The following KIF26B variants were observed in gnomAD, a reference collection of about 807,000 sequenced individuals.
The protein encoded by KIF26B is kinesin family member 26B.
A neutral mutation model predicts 151.2 loss-of-function variants in KIF26B; 63 were observed. The ratio of observed to expected loss-of-function variants is 0.42; its 90% CI spans 0.34 to 0.51. KIF26B has a LOEUF of 0.51. Ranked by LOEUF, KIF26B falls within the 20% of genes least tolerant of loss-of-function variation. KIF26B has a pLI of 0.07. For missense variants in KIF26B, 2,813 were observed against 2,913.6 expected, an observed-to-expected ratio of 0.97 and a Z score of 0.79; for synonymous variants, 1,357 against 1,262.1, an observed-to-expected ratio of 1.08 and a Z score of -1.59.
intron 2 of KIF26B, among the ~76,000 whole-genome samples, chr1:245,179,624 CAAAAA>C (rs1478349922): frequency 6.8e-6 from 1 of 146,434 alleles, no homozygotes; most frequent in Non-Finnish European, 1.5e-5. Context: ...GACTCCGACT[CAAAAA>C]CAAAACAAAA....
At chr1:245,501,053 A>G (rs963017144) in intron 4 of KIF26B, among the ~76,000 whole-genome samples, 3 of 152,234 alleles carry the variant, frequency 2.0e-5, no homozygotes, top group Admixed American at 6.5e-5. Context: ...TTTCAGATGC[A>G]TGATTTTAAA....
intron 2 of KIF26B, among the ~76,000 whole-genome samples, chr1:245,238,566 C>A (rs73127181): frequency 5.9e-5 from 9 of 151,578 alleles, no homozygotes; most frequent in African/African-American, 1.9e-4. Flanking sequence ...TTTTTTATTA[C>A]TCAGAACAAT....
At chr1:245,519,117 G>A (rs1661031834) in intron 4 of KIF26B, among the ~76,000 whole-genome samples, 1 of 152,234 alleles carries the variant, frequency 6.6e-6, no homozygotes, top group Admixed American at 6.5e-5. Flanking sequence ...GAGTTCAGAA[G>A]ATGGAAACTT....
chr1:245,606,623 C>T lies in KIF26B; in HGVS notation c.1558-1028C>T, dbSNP rs1443568944. On this transcript the variant is annotated intron_variant, in intron 6 of 14. Transcript: ENST00000407071. The surrounding 1 kb of genome is among the most constrained non-coding windows in gnomAD (Gnocchi z 4.6). ...GGAAATACAAAACATCATCGAGAGC[C>T]TGGTCCCTGTCTAGGATTTAATAAT... Among the ~76,000 whole-genome samples the T allele has an allele frequency of 6.6e-6, 1 of 152,206 alleles. No individual in the cohort carries two copies. Among genetic ancestry groups the T allele is most frequent in the Non-Finnish European group, 1.5e-5 (1 of 68,038 alleles).
intron 5 of KIF26B, among the ~76,000 whole-genome samples, chr1:245,545,959 C>T (rs2103105838): frequency 6.6e-6 from 1 of 152,222 alleles, no homozygotes; most frequent in East Asian, 1.9e-4. Flanking sequence ...TATGGCTCTG[C>T]AGCCACACCA....
chr1:245,519,173 C>T (rs915472468), intron 4 of KIF26B, among the ~76,000 whole-genome samples: 1 of 152,036 alleles, frequency 6.6e-6, no homozygotes, highest in South Asian at 2.1e-4. Flanking sequence ...AGAATATTTA[C>T]TATATTTAGT....
At chr1:245,484,059 G>A (rs12121903) in intron 4 of KIF26B, among the ~76,000 whole-genome samples, 8,854 of 151,478 alleles carry the variant, frequency 0.058, 446 homozygotes, top group Middle Eastern at 0.16. Context: ...CTTTAATGAC[G>A]CTTTGTTAGG....
intron 2 of KIF26B, among the ~76,000 whole-genome samples, chr1:245,160,345 C>G (rs1417218524): frequency 1.3e-5 from 2 of 152,152 alleles, no homozygotes; most frequent in Non-Finnish European, 2.9e-5. Context: ...TGAGAATGGC[C>G]CTTTTACCCA....
At position 245,704,667 on chromosome 1, in the gene KIF26B, C is replaced by G. The variant is rs2044817526; in HGVS notation, c.*2061C>G. 1 of 152,276 alleles carries G rather than the reference C, an allele frequency of 6.6e-6. No homozygotes were observed. The highest frequency in any genetic ancestry group is 2.1e-4 in the South Asian group (1 of 4,824). The allele number at this position is 152,276 out of a possible 1,614,324, so 9.4% of individuals were successfully genotyped here. On this transcript the variant is annotated 3_prime_UTR_variant, in exon 15 of 15. Coordinates refer to ENST00000407071, the MANE Select transcript of KIF26B (RefSeq NM_018012.4). The stretch of plus-strand genomic sequence containing the variant: ...TGTGTTGCCCTGGGAAGCAGGACCT[C>G]CCTGAGCTCCTTAACCTTGACCCCA...
intron 4 of KIF26B, among the ~76,000 whole-genome samples, chr1:245,524,746 T>C (rs1234241972): frequency 2.0e-5 from 3 of 152,226 alleles, no homozygotes; most frequent in African/African-American, 7.2e-5. Flanking sequence ...TTTAATATTT[T>C]ATGTTTTTTT....
rs80033322 is a variant in KIF26B, at chr1:245,447,416, C to A, written c.1166+27671C>A. Among the ~76,000 whole-genome samples the A allele has an allele frequency of 4.6e-4, 70 of 152,138 alleles. 1 individual carries two copies. Among genetic ancestry groups the A allele is most frequent in the East Asian group, 1.7e-3 (9 of 5,174 alleles). On this transcript the variant is annotated intron_variant, in intron 4 of 14. Coordinates refer to ENST00000407071, the MANE Select transcript of KIF26B (RefSeq NM_018012.4). ...TGCTATGGTCTGAATGTTGGTGTGC[C>A]CCTACAATTCCCATATGGGAAACTT...
intron 2 of KIF26B, among the ~76,000 whole-genome samples, chr1:245,356,219 A>G (rs1351203122): frequency 6.6e-6 from 1 of 152,168 alleles, no homozygotes; most frequent in Non-Finnish European, 1.5e-5. Context: ...GCAAAAAAAC[A>G]CAACTATACT....
chr1:245,597,813 A>T lies in KIF26B; in HGVS notation c.1351-4764A>T, dbSNP rs1321576993. 6.6e-6 allele frequency among the ~76,000 whole-genome samples: 1 copy of T among 152,070 alleles called. No individual in the cohort carries two copies. The highest frequency in any genetic ancestry group is 1.5e-5 in the Non-Finnish European group (1 of 68,020). ...TTTCACATAGTTCCATATTTCTTGG[A>T]GGCTTTGTTCATTCCTTTTCATTCT... On this transcript the variant is annotated intron_variant, in intron 5 of 14. Transcript: ENST00000407071. The surrounding 1 kb of genome is among the most constrained non-coding windows in gnomAD (Gnocchi z 4.6).
At chr1:245,409,736 A>G (rs498098) in intron 3 of KIF26B, among the ~76,000 whole-genome samples, 101,690 of 151,918 alleles carry the variant, frequency 0.67, 35,184 homozygotes, top group African/African-American at 0.85. Flanking sequence ...GGTGCTGGAC[A>G]GCACAGAGAG....
At chr1:245,487,910 T>C (rs1420266103) in intron 4 of KIF26B, among the ~76,000 whole-genome samples, 1 of 152,002 alleles carries the variant, frequency 6.6e-6, no homozygotes, top group East Asian at 1.9e-4. Flanking sequence ...TGCCTCAGCC[T>C]CCTGAGAAGC....
chr1:245,233,096 C>T (rs886215901), intron 2 of KIF26B, among the ~76,000 whole-genome samples: 7 of 152,176 alleles, frequency 4.6e-5, no homozygotes, highest in East Asian at 1.9e-4. Flanking sequence ...GGATTACAGA[C>T]GCACTTTCTC....
At chr1:245,505,086 G>A (rs1277214185) in intron 4 of KIF26B, among the ~76,000 whole-genome samples, 2 of 151,774 alleles carry the variant, frequency 1.3e-5, no homozygotes, top group East Asian at 2.0e-4. Flanking sequence ...TTACAGGCAC[G>A]TGCCACCATG....
rs978394271 is a variant in KIF26B, at chr1:245,704,033, A to G, written c.*1427A>G. On this transcript the variant is annotated 3_prime_UTR_variant, in exon 15 of 15. Transcript: ENST00000407071. Reference sequence around the variant, plus strand: ...TGTTCCTCCCTATAACAATTCCCTTAGGAATTATGATACCCATTTTAGTGA... The same window carrying G: ...TGTTCCTCCCTATAACAATTCCCTTGGGAATTATGATACCCATTTTAGTGA... The G allele has an allele frequency of 6.8e-6, 1 of 147,070 alleles. No individual in the cohort carries two copies. The highest frequency in any genetic ancestry group is 1.5e-5 in the Non-Finnish European group (1 of 67,452). 9.1% of individuals were successfully genotyped at this position (147,070 alleles called of 1,614,324 possible).
chr1:245,534,102 A>C (rs954620309), intron 4 of KIF26B, among the ~76,000 whole-genome samples: 3 of 152,084 alleles, frequency 2.0e-5, no homozygotes, highest in Admixed American at 2.0e-4. Context: ...GGGACATTCT[A>C]GCCAAGGACA....
Sources: allele counts gnomAD v4.1 joint callset (sites outside exome capture counted in the v4.1 genomes callset), GRCh38; gene constraint gnomAD v4.1.1; non-coding constraint Gnocchi (gnomAD v3.1); transcripts MANE v1.5; gene names NCBI Gene and HGNC (gene_info 2026-07-23, HGNC 2026-07-21).